Variants in GLIS1 observed in about 807,000 individuals in gnomAD.
GLIS1 encodes zinc finger protein GLIS1.
In GLIS1, 24 loss-of-function variants were observed where a neutral mutation model predicts 63.8. The observed-to-expected ratio is 0.38, with a 90% CI of 0.27 to 0.53. GLIS1 has a LOEUF of 0.53. GLIS1 is among the 20% of genes least tolerant of loss of function. The probability of loss-of-function intolerance (pLI) is 0.85; values close to 1 mark genes in which losing one functional copy is unlikely to be tolerated. For missense variants in GLIS1, 1,036 were observed against 1,074.1 expected (o/e 0.96, Z 0.50); for synonymous variants, 450 against 482.5 (o/e 0.93, Z 0.88).
At chr1:53,611,140 T>C (rs1296198848) in intron 2 of GLIS1, among the ~76,000 whole-genome samples, 1 of 152,108 alleles carries the variant, frequency 6.6e-6, no homozygotes, top group African/African-American at 2.4e-5. Flanking sequence ...GCTGGAGTAC[T>C]GTGGCATGAC....
intron 4 of GLIS1, among the ~76,000 whole-genome samples, chr1:53,552,111 A>G (rs927759693): frequency 2.0e-5 from 3 of 151,990 alleles, no homozygotes; most frequent in Non-Finnish European, 2.9e-5. Context: ...TCACCCCCAA[A>G]GCTTAACACA....
intron 2 of GLIS1, among the ~76,000 whole-genome samples, chr1:53,659,300 C>A (rs1192027822): frequency 6.6e-6 from 1 of 152,196 alleles, no homozygotes; most frequent in African/African-American, 2.4e-5. Flanking sequence ...AGCTCACGGG[C>A]ACTCAGGTGG....
At chr1:53,685,367 C>T (rs533640168) in intron 2 of GLIS1, among the ~76,000 whole-genome samples, 4 of 152,362 alleles carry the variant, frequency 2.6e-5, no homozygotes, top group Admixed American at 1.3e-4. Context: ...GCCGTGGTGT[C>T]TGCGCTGCCG....
At chr1:53,592,138 T>C (rs1645197898) in intron 4 of GLIS1, among the ~76,000 whole-genome samples, 1 of 152,090 alleles carries the variant, frequency 6.6e-6, no homozygotes, top group Admixed American at 6.5e-5. Context: ...AGTGAGATCC[T>C]GGCAGCCTGG....
intron 2 of GLIS1, among the ~76,000 whole-genome samples, chr1:53,664,307 C>T (rs746574504): frequency 1.6e-4 from 24 of 152,168 alleles, no homozygotes; most frequent in Non-Finnish European, 3.4e-4. Flanking sequence ...GAAGCCCTAC[C>T]GGATGCTTCC....
intron 8 of GLIS1, among the ~76,000 whole-genome samples, chr1:53,510,448 C>G (rs1350939324): frequency 6.6e-6 from 1 of 152,218 alleles, no homozygotes; most frequent in Non-Finnish European, 1.5e-5. Context: ...CTCGTGCATG[C>G]CACTCTGGCC....
intron 2 of GLIS1, among the ~76,000 whole-genome samples, chr1:53,731,465 G>A (rs566190175): frequency 4.6e-5 from 7 of 152,304 alleles, no homozygotes; most frequent in Admixed American, 1.3e-4. Context: ...CTCTAGAGCC[G>A]CATCCTCTCC....
chr1:53,723,868 T>C (rs941329094), intron 2 of GLIS1, among the ~76,000 whole-genome samples: 2 of 152,172 alleles, frequency 1.3e-5, no homozygotes, highest in African/African-American at 4.8e-5. Flanking sequence ...CCTACAAGAA[T>C]AAATCAATAT....
At chr1:53,545,603 T>C (rs1206437146) in intron 4 of GLIS1, among the ~76,000 whole-genome samples, 7 of 152,338 alleles carry the variant, frequency 4.6e-5, no homozygotes, top group Non-Finnish European at 8.8e-5. Flanking sequence ...CTCCAAAATA[T>C]TAAACAATGG....
intron 4 of GLIS1, among the ~76,000 whole-genome samples, chr1:53,530,648 A>G (rs184381275): frequency 6.6e-6 from 1 of 152,268 alleles, no homozygotes; most frequent in Non-Finnish European, 1.5e-5. Context: ...CTAGATCAAC[A>G]TCAGGGGTTG....
intron 2 of GLIS1, among the ~76,000 whole-genome samples, chr1:53,644,663 A>G (rs1446845892): frequency 1.3e-5 from 2 of 152,194 alleles, no homozygotes; most frequent in African/African-American, 4.8e-5. Context: ...GAGGGAACAG[A>G]TGGGACCAGG....
At chr1:53,590,418 A>G (rs1310505031) in intron 4 of GLIS1, among the ~76,000 whole-genome samples, 2 of 152,026 alleles carry the variant, frequency 1.3e-5, no homozygotes, top group Non-Finnish European at 2.9e-5. Context: ...TCTCATGCCT[A>G]TTGTTGTTTT....
chr1:53,623,017 A>G (rs1212047436), intron 2 of GLIS1, among the ~76,000 whole-genome samples: 1 of 152,182 alleles, frequency 6.6e-6, no homozygotes, highest in African/African-American at 2.4e-5. Flanking sequence ...CTAGTAATTA[A>G]CACATGACTG....
chr1:53,627,565 A>T lies in GLIS1; in HGVS notation c.260-27287T>A, dbSNP rs547601764. Among the ~76,000 whole-genome samples the T allele has an allele frequency of 3.3e-5, 5 of 152,336 alleles. No individual in the cohort carries two copies. In the South Asian group the frequency reaches 8.3e-4, roughly 25 times the overall value. ...GGCTGCCAGAAGGGAAGACGAATGA[A>T]ATTTAAAATCCCTTTCGACAGATTA... On this transcript the variant is annotated intron_variant, in intron 2 of 10. Coordinates refer to ENST00000628545, the MANE Select transcript of GLIS1 (RefSeq NM_001367484.1).
chr1:53,658,608 C>G (rs1180325162), intron 2 of GLIS1, among the ~76,000 whole-genome samples: 1 of 152,168 alleles, frequency 6.6e-6, no homozygotes, highest in Non-Finnish European at 1.5e-5. Flanking sequence ...GGAGGAAGCC[C>G]ATGCTGATGT....
intron 4 of GLIS1, among the ~76,000 whole-genome samples, chr1:53,536,321 T>C (rs1644581140): frequency 6.6e-6 from 1 of 152,050 alleles, no homozygotes; most frequent in Non-Finnish European, 1.5e-5. Context: ...TGTATAACAA[T>C]CTTGAAAAAT....
chr1:53,679,101 C>T (rs1229516743), intron 2 of GLIS1, among the ~76,000 whole-genome samples: 1 of 152,100 alleles, frequency 6.6e-6, no homozygotes, highest in Admixed American at 6.5e-5. Context: ...TTAGATGAAG[C>T]GGGAAACACG....
At chr1:53,580,749 A>G (rs1057024839) in intron 4 of GLIS1, among the ~76,000 whole-genome samples, 1 of 152,088 alleles carries the variant, frequency 6.6e-6, no homozygotes, top group African/African-American at 2.4e-5. Flanking sequence ...TGCCTAACCA[A>G]TGCCGCTTTC....
intron 2 of GLIS1, among the ~76,000 whole-genome samples, chr1:53,606,135 A>T (rs1645367390): frequency 6.6e-6 from 1 of 152,256 alleles, no homozygotes; most frequent in Admixed American, 6.5e-5. Context: ...GAGGTAATGT[A>T]CATGGAGTCT....
Sources: allele counts gnomAD v4.1 joint callset (sites outside exome capture counted in the v4.1 genomes callset), GRCh38; gene constraint gnomAD v4.1.1; transcripts MANE v1.5; gene names NCBI Gene and HGNC (gene_info 2026-07-23, HGNC 2026-07-21).